Variants in TEPSIN observed in about 807,000 individuals in gnomAD.
The protein encoded by TEPSIN is TEPSIN adaptor related protein complex 4 accessory protein, also known as AP-4 complex accessory subunit tepsin.
Under a neutral mutation model 48.5 loss-of-function variants are expected in TEPSIN, and 50 were observed. That is an observed-to-expected ratio of 1.03 (90% CI 0.82 to 1.31). TEPSIN has a LOEUF of 1.31. Ranked by LOEUF, TEPSIN falls within the 50% of genes most tolerant of loss-of-function variation. TEPSIN has a pLI of 0.00. For synonymous variants in TEPSIN, 392 were observed against 358.8 expected (o/e 1.09, Z -1.05); for missense variants, 838 against 815.9 (o/e 1.03, Z -0.33).
chr17:81,231,780 C>T lies in TEPSIN; in HGVS notation c.905+67G>A, dbSNP rs1018453050. On this transcript the variant is annotated intron_variant, in intron 9 of 12. Coordinates refer to ENST00000637944, the MANE Select transcript of TEPSIN (RefSeq NM_001363764.2). ...GGGGGAGAACCTGGAGAGCAGGAGC[C>T]GCGCTGGGAGGGGGACAGTGTGGTG... 170 of 1,605,450 alleles carry T rather than the reference C, an allele frequency of 1.1e-4. 1 individual carries two copies. Among genetic ancestry groups the T allele is most frequent in the African/African-American group, 2.1e-4 (16 of 74,816 alleles).
intron 11 of TEPSIN, 53 bp downstream of exon 11, chr17:81,231,343 ACG>A (rs2062602600): frequency 2.1e-6 from 3 of 1,450,534 alleles, no homozygotes; most frequent in Non-Finnish European, 2.8e-6. Context: ...ACGCACACAC[ACG>A]CACACAGGCA....
At chr17:81,231,740 A>T in intron 9 of TEPSIN, 49 bp from the exon 10 acceptor site, 1 of 1,607,028 alleles carries the variant, frequency 6.2e-7, no homozygotes, top group Non-Finnish European at 8.5e-7. Context: ...CCATGCCCCC[A>T]CTCCTGTCTC....
intron 12 of TEPSIN, chr17:81,229,866 C>T (rs1298191870): frequency 7.6e-6 from 2 of 263,314 alleles, no homozygotes; most frequent in South Asian, 4.9e-5. Context: ...TTTAGAAACC[C>T]CACTATGAGG....
chr17:81,231,191 G>A lies in TEPSIN; in HGVS notation c.1098+207C>T, dbSNP rs148772165. On this transcript the variant is annotated intron_variant, in intron 11 of 12. Transcript: ENST00000637944. ...ACAAGTGTGTACACACCGCACACAT[G>A]CACGAGTGTGTACACACACAGGCAT... 4.3e-3 allele frequency: 2,596 copies of A among 602,052 alleles called. 64 individuals are homozygous for A. The African/African-American group carries it at 0.044, about 10-fold the overall frequency. The allele number at this position is 602,052 out of a possible 1,614,324, so 37.3% of individuals were successfully genotyped here. A position where few individuals can be genotyped will look rare whatever the true frequency, so the allele number is the denominator to read the frequency against.
Position 81,233,813 on chromosome 17 carries a change from TCTC to T in TEPSIN, c.376-100_376-98del. On this transcript the variant is annotated intron_variant, in intron 5 of 12. Transcript: ENST00000637944. The surrounding 1 kb of genome is among the most constrained non-coding windows in gnomAD (Gnocchi z 5.8). The stretch of plus-strand genomic sequence containing the variant: ...AGCTCCGTTCTGTCCCCCGGACACT[TCTC>T]CTGAGCCACTCAGCTGGACACAGGC... 7.1e-7 allele frequency: 1 copy of T among 1,404,232 alleles called. No homozygotes were observed. Among genetic ancestry groups the T allele is most frequent in the South Asian group, 1.4e-5 (1 of 72,434 alleles). The allele number at this position is 1,404,232 out of a possible 1,614,324, so 87.0% of individuals were successfully genotyped here.
Position 81,235,924 on chromosome 17 carries a change from G to A in TEPSIN, c.307+784C>T, listed in dbSNP as rs578166914. On this transcript the variant is annotated intron_variant, in intron 4 of 12. Transcript: ENST00000637944. Reference sequence around the variant, plus strand: ...GTGGGACAACACTGGTTTCGACACCGGTTTTGGGGTGAGCCCAGTGGATGG... The same window carrying A: ...GTGGGACAACACTGGTTTCGACACCAGTTTTGGGGTGAGCCCAGTGGATGG... Among the ~76,000 whole-genome samples the A allele has an allele frequency of 3.9e-5, 6 of 152,340 alleles. No homozygotes were observed. In the East Asian group the frequency reaches 5.8e-4, roughly 15 times the overall value.
At chr17:81,232,768 C>A (rs989390934) in intron 7 of TEPSIN, 14 of 490,804 alleles carry the variant, frequency 2.9e-5, no homozygotes, top group Non-Finnish European at 4.7e-5. Context: ...GTCCCTCTGT[C>A]CTCTGGGGGT....
At chr17:81,231,170 G>C (rs1403147436) in intron 11 of TEPSIN, 5 of 589,698 alleles carry the variant, frequency 8.5e-6, no homozygotes, top group Non-Finnish European at 1.5e-5. Flanking sequence ...ACGTGCACAA[G>C]TGTGTACACA....
intron 1 of TEPSIN, 198 bp from the exon 2 acceptor site, chr17:81,237,657 C>T (rs2062748779): frequency 1.6e-6 from 1 of 630,112 alleles, no homozygotes; most frequent in Non-Finnish European, 2.7e-6. Context: ...CAGGGATGAA[C>T]AGCCTCGGAG....
At chr17:81,237,492 G>A (rs1369503455) in intron 1 of TEPSIN, 33 bp from the exon 2 acceptor site, 19 of 1,584,976 alleles carry the variant, frequency 1.2e-5, no homozygotes, top group Non-Finnish European at 1.6e-5. Flanking sequence ...ACCATGATGA[G>A]GTGCCATTTC....
intron 11 of TEPSIN, 53 bp downstream of exon 11, chr17:81,231,345 G>GCACA: frequency 6.9e-7 from 1 of 1,452,934 alleles, no homozygotes. Flanking sequence ...GCACACACAC[G>GCACA]CACACAGGCA....
In TEPSIN at chr17:81,231,599, T is replaced by C; in HGVS notation, c.998A>G (p.Glu333Gly). 2 of 1,612,828 alleles carry C rather than the reference T, an allele frequency of 1.2e-6. No homozygotes were observed. The highest frequency in any genetic ancestry group is 8.5e-7 in the Non-Finnish European group (1 of 1,179,608). Residue 333 changes from glutamate to glycine, a missense_variant, in exon 10 of 13, where the codon GAG becomes GGG. Transcript: ENST00000637944. ...TCACGCTTTGATGAAGTGCTGTGCC[T>C]CCTCGCGGCTCAGGAAGGCGCGTGG... ...RGPRAFLSRE[E>G]AQHFIKACGL... is the part of the protein sequence containing the mutation.
chr17:81,234,411 T>A lies in TEPSIN; in HGVS notation c.308-363A>T, dbSNP rs867055078. 6.6e-6 allele frequency among the ~76,000 whole-genome samples: 1 copy of A among 151,998 alleles called. No individual in the cohort carries two copies. Among genetic ancestry groups the A allele is most frequent in the African/African-American group, 2.4e-5 (1 of 41,350 alleles). On this transcript the variant is annotated intron_variant, in intron 4 of 12. Coordinates refer to ENST00000637944, the MANE Select transcript of TEPSIN (RefSeq NM_001363764.2). This position sits in a 1 kb window ranked among gnomAD's most constrained non-coding sequence, Gnocchi z 5.4. ...CGGGGCCTGGAGGGAGAAACCAGCG[T>A]TCTTATCACAGCCTGAAAGCTCCAC...
In TEPSIN at chr17:81,231,386, T is replaced by C. The variant is rs1051146208; in HGVS notation, c.1098+12A>G. 6.5e-7 allele frequency: 1 copy of C among 1,539,714 alleles called. No homozygotes were observed. Among genetic ancestry groups the C allele is most frequent in the South Asian group, 1.2e-5 (1 of 82,294 alleles). ...ACACAGTCACGCCCTCCCGCCCGCG[T>C]GTGCAGCTCACCAGCTGCGTGCATT... On this transcript the variant is annotated intron_variant, in intron 11 of 12. Coordinates refer to ENST00000637944, the MANE Select transcript of TEPSIN (RefSeq NM_001363764.2).
chr17:81,232,350 C>A lies in TEPSIN; in HGVS notation c.695G>T (p.Gly232Val). 6.5e-7 allele frequency: 1 copy of A among 1,534,766 alleles called. No homozygotes were observed. The highest frequency in any genetic ancestry group is 1.2e-5 in the South Asian group (1 of 83,984). Residue 232 changes from glycine to valine, a missense_variant, in exon 8 of 13, where the codon GGG (glycine) becomes GTG (valine). Physicochemically the swap from Gly to Val is moderately radical, Grantham distance 109. Transcript: ENST00000637944. ...TGGAATGGCCCCGGGGAGTAGGTTC[C>A]CCAGGGTTGGGGGACCGTGGCTGGC... is the stretch of plus-strand genomic sequence containing the variant. The part of the protein sequence containing the change: ...PSASHGPPTL[G>V]NLLPGAIPGP...
Position 81,234,075 on chromosome 17 carries a change from G to A in TEPSIN, c.308-27C>T, listed in dbSNP as rs1324588398. On this transcript the variant is annotated intron_variant, in intron 4 of 12. Transcript: ENST00000637944. This position sits in a 1 kb window ranked among gnomAD's most constrained non-coding sequence, Gnocchi z 5.4. Reference sequence around the variant, plus strand: ...TGCAGAACAGAAAAGGCAAGTCGGGGGCAGGGCTGAGCCTGGCACCGCTGC... The same window carrying A: ...TGCAGAACAGAAAAGGCAAGTCGGGAGCAGGGCTGAGCCTGGCACCGCTGC... 3.8e-6 allele frequency: 6 copies of A among 1,564,514 alleles called. No individual in the cohort carries two copies. The highest frequency in any genetic ancestry group is 5.2e-6 in the Non-Finnish European group (6 of 1,159,940).
At position 81,234,285 on chromosome 17, in the gene TEPSIN, G is replaced by A. The variant is rs1052650476; in HGVS notation, c.308-237C>T. 3.0e-5 allele frequency: 12 copies of A among 399,770 alleles called. No individual in the cohort carries two copies. The highest frequency in any genetic ancestry group is 8.3e-5 in the African/African-American group (4 of 48,072). 24.8% of individuals were successfully genotyped at this position (399,770 alleles called of 1,614,324 possible). A position where few individuals can be genotyped will look rare whatever the true frequency, so the allele number is the denominator to read the frequency against. ...AGACTCTCTCCACAGCAACCACCTC[G>A]TCTCCCCCAGGGTCGGCAACCCCTG... On this transcript the variant is annotated intron_variant, in intron 4 of 12. Coordinates refer to ENST00000637944, the MANE Select transcript of TEPSIN (RefSeq NM_001363764.2). This position sits in a 1 kb window ranked among gnomAD's most constrained non-coding sequence, Gnocchi z 5.4.
In TEPSIN at chr17:81,232,440, T is replaced by G. The variant is rs933160969; in HGVS notation, c.605A>C (p.Glu202Ala). The G allele has an allele frequency of 3.9e-6, 6 of 1,535,464 alleles. No individual in the cohort carries two copies. In the African/African-American group the frequency reaches 8.2e-5, roughly 21 times the overall value. ...VVASAMRPGP[E>A]SPSTRRLLPR... is the part of the protein sequence containing the mutation. ...CAGGAGCCTCCGGGTACTGGGACTC[T>G]CGGGCCCGGGGCGCATGGCGCTGGC... Residue 202 changes from glutamate to alanine, a missense_variant, in exon 8 of 13, where the codon GAG becomes GCG. By Grantham distance (107) the Glu-to-Ala change is moderately radical. Coordinates refer to ENST00000637944, the MANE Select transcript of TEPSIN (RefSeq NM_001363764.2).
At chr17:81,229,843 C>T (rs918582837) in intron 12 of TEPSIN, 11 of 297,308 alleles carry the variant, frequency 3.7e-5, no homozygotes, top group African/African-American at 2.3e-4. Flanking sequence ...CAGGGTTCTT[C>T]CAGCATGCCC....
Sources: allele counts gnomAD v4.1 joint callset (sites outside exome capture counted in the v4.1 genomes callset), GRCh38; gene constraint gnomAD v4.1.1; non-coding constraint Gnocchi (gnomAD v3.1); transcripts MANE v1.5; gene names NCBI Gene and HGNC (gene_info 2026-07-23, HGNC 2026-07-21).